The following EPRS1 variants were observed in gnomAD, a reference collection of about 807,000 sequenced individuals.
The protein encoded by EPRS1 is bifunctional glutamate/proline--tRNA ligase.
EPRS1 carries 107 observed loss-of-function variants against 188.3 expected under a neutral mutation model. That is an observed-to-expected ratio of 0.57 (90% CI 0.49 to 0.67). The LOEUF (loss-of-function observed/expected upper bound fraction) is 0.67, where lower values mean the gene tolerates loss of function less well. Ranked by LOEUF, EPRS1 falls within the 30% of genes least tolerant of loss-of-function variation. The probability of loss-of-function intolerance (pLI) is 0.00; values close to 1 mark genes in which losing one functional copy is unlikely to be tolerated. For missense variants in EPRS1, 1,577 were observed against 1,802.2 expected (o/e 0.88, Z 2.26); for synonymous variants, 596 against 593.1 (o/e 1.00, Z -0.07).
At chr1:219,991,410 T>G (rs1455622782) in intron 18 of EPRS1, among the ~76,000 whole-genome samples, 1 of 151,946 alleles carries the variant, frequency 6.6e-6, no homozygotes, top group African/African-American at 2.4e-5. Context: ...CTAAGAGAAC[T>G]ATATCTACAC....
intron 2 of EPRS1, among the ~76,000 whole-genome samples, chr1:220,038,892 G>A (rs1250305267): frequency 6.6e-6 from 1 of 152,152 alleles, no homozygotes; most frequent in Non-Finnish European, 1.5e-5. Context: ...GCCCTCAGAA[G>A]AGCAGGTGAA....
intron 18 of EPRS1, among the ~76,000 whole-genome samples, chr1:219,994,159 T>C (rs1341325653): frequency 6.6e-6 from 1 of 152,222 alleles, no homozygotes; most frequent in Non-Finnish European, 1.5e-5. Context: ...GTGTGGAGCA[T>C]GTGCATTCTC....
intron 13 of EPRS1, among the ~76,000 whole-genome samples, chr1:220,009,015 A>C (rs544045066): frequency 2.7e-4 from 41 of 152,148 alleles, no homozygotes; most frequent in Non-Finnish European, 5.3e-4. Context: ...CATTTTAAAA[A>C]ATAAGCACCC....
chr1:220,042,181 CAA>C (rs1204286086), intron 1 of EPRS1, among the ~76,000 whole-genome samples: 11 of 62,644 alleles, frequency 1.8e-4, no homozygotes, highest in Non-Finnish European at 2.2e-4. Flanking sequence ...ACTCCGTCCC[CAA>C]AAAAAAAAAA....
At chr1:220,010,734 C>T (rs12046562) in intron 13 of EPRS1, among the ~76,000 whole-genome samples, 16,350 of 150,306 alleles carry the variant, frequency 0.11, 1,346 homozygotes, top group East Asian at 0.33. Flanking sequence ...GGCGTGAACC[C>T]GGGAGGCAGG....
At chr1:220,011,785 AT>A (rs1440867219) in intron 12 of EPRS1, among the ~76,000 whole-genome samples, 3 of 152,202 alleles carry the variant, frequency 2.0e-5, no homozygotes, top group Non-Finnish European at 4.4e-5. Context: ...GAGCTGATGT[AT>A]TTTTCTCACT....
At chr1:219,985,517 C>T (rs1255572549) in intron 20 of EPRS1, among the ~76,000 whole-genome samples, 1 of 152,126 alleles carries the variant, frequency 6.6e-6, no homozygotes, top group Admixed American at 6.5e-5. Context: ...CTCAGCCCCC[C>T]TCCCCCACCC....
intron 4 of EPRS1, among the ~76,000 whole-genome samples, chr1:220,033,125 C>A (rs1662116293): frequency 6.6e-6 from 1 of 152,066 alleles, no homozygotes; most frequent in Non-Finnish European, 1.5e-5. Flanking sequence ...CCCAGTCACA[C>A]ACTCACTGAG....
Position 219,970,416 on chromosome 1 carries a change from C to T in EPRS1, c.4324-1294G>A, listed in dbSNP as rs1443675837. Among the ~76,000 whole-genome samples, 4 of 28,992 alleles carry T rather than the reference C, an allele frequency of 1.4e-4. No individual in the cohort carries two copies. The East Asian group carries it at 0.22, about 1,611-fold the overall frequency. The allele number at this position is 28,992 out of a possible 152,430, so 19.0% of individuals were successfully genotyped here. On this transcript the variant is annotated intron_variant, in intron 30 of 31. Transcript: ENST00000366923. ...TCAACTGCTCTCAGCCACAGAAAATCGTAAATAAAGTGAAAGAAAAAACAC... is the reference window on the plus strand; with the variant it reads ...TCAACTGCTCTCAGCCACAGAAAATTGTAAATAAAGTGAAAGAAAAAACAC...
Position 220,007,273 on chromosome 1 carries a change from T to C in EPRS1, c.1671A>G (p.Ala557=), listed in dbSNP as rs1661507334. 1 of 1,613,940 alleles carries C rather than the reference T, an allele frequency of 6.2e-7. No individual in the cohort carries two copies. The highest frequency in any genetic ancestry group is 8.5e-7 in the Non-Finnish European group (1 of 1,179,824). ...CCATCTCACCCTCCGAAAAAGTCTC[T>C]GCATCAGCACCTTCAATGAAAACTT... is the stretch of plus-strand genomic sequence containing the variant. ...SPKVFIEGAD[A]ETFSEGEMVT... The change falls in exon 14 of 32, where the codon GCA becomes GCG. Residue 557 remains alanine (A), a synonymous_variant. Transcript: ENST00000366923.
In EPRS1 at chr1:220,040,149, A is replaced by C. The variant is rs185707495; in HGVS notation, c.131+36T>G. On this transcript the variant is annotated intron_variant, in intron 2 of 31. Coordinates refer to ENST00000366923, the MANE Select transcript of EPRS1 (RefSeq NM_004446.3). The stretch of plus-strand genomic sequence containing the variant: ...AAAACTCTAAAAAAAAGAAAAAGCC[A>C]ATCAGTACTGAAAATAAAAAGATGA... 1.4e-3 allele frequency: 1,870 copies of C among 1,348,242 alleles called. 24 individuals are homozygous for C. In the South Asian group the frequency reaches 0.017, roughly 12 times the overall value. 83.5% of individuals were successfully genotyped at this position (1,348,242 alleles called of 1,614,324 possible).
chr1:219,982,633 C>T lies in EPRS1; in HGVS notation c.3373+139G>A, dbSNP rs570154971. 10 of 647,946 alleles carry T rather than the reference C, an allele frequency of 1.5e-5. No homozygotes were observed. In the African/African-American group the frequency reaches 1.7e-4, roughly 11 times the overall value. The allele number at this position is 647,946 out of a possible 1,614,324, so 40.1% of individuals were successfully genotyped here. On this transcript the variant is annotated intron_variant, in intron 23 of 31. Transcript: ENST00000366923. ...ACTCTAGACAACTTAAGTTTGCATTCAATCTTCATCAACATTCATGAAATG... is the reference window on the plus strand; with the variant it reads ...ACTCTAGACAACTTAAGTTTGCATTTAATCTTCATCAACATTCATGAAATG...
chr1:220,009,420 G>A (rs1661558084), intron 13 of EPRS1, among the ~76,000 whole-genome samples: 1 of 152,174 alleles, frequency 6.6e-6, no homozygotes, highest in Non-Finnish European at 1.5e-5. Context: ...TAGACAACTT[G>A]TAAAGCTGAA....
At chr1:220,022,081 A>T (rs1661887512) in intron 9 of EPRS1, among the ~76,000 whole-genome samples, 1 of 152,210 alleles carries the variant, frequency 6.6e-6, no homozygotes, top group Admixed American at 6.5e-5. Context: ...CAGTATACCT[A>T]ATCAATACAA....
chr1:219,984,309 G>A (rs1660961111), intron 20 of EPRS1, 52 bp from the exon 21 acceptor site: 2 of 1,291,074 alleles, frequency 1.5e-6, no homozygotes, highest in Non-Finnish European at 2.2e-6. Context: ...AACTGCTTTA[G>A]GTTGAATAAA....
At chr1:219,987,803 GT>G (rs1428947802) in intron 19 of EPRS1, among the ~76,000 whole-genome samples, 2 of 152,176 alleles carry the variant, frequency 1.3e-5, no homozygotes, top group African/African-American at 4.8e-5. Flanking sequence ...TAGTAGTCAT[GT>G]GGCTGAATTT....
chr1:220,007,715 C>CA (rs1661518911), intron 13 of EPRS1, among the ~76,000 whole-genome samples: 1 of 152,200 alleles, frequency 6.6e-6, no homozygotes, highest in South Asian at 2.1e-4. Flanking sequence ...ACAGCTAAGA[C>CA]AGTATACTTT....
At position 219,997,158 on chromosome 1, in the gene EPRS1, G is replaced by T; in HGVS notation, c.2366C>A (p.Ala789Asp). The T allele has an allele frequency of 6.2e-7, 1 of 1,614,010 alleles. No homozygotes were observed. Among genetic ancestry groups the T allele is most frequent in the Non-Finnish European group, 8.5e-7 (1 of 1,179,954 alleles). ...CTGGCCAGTTTTCTCCTTATATTCA[G>T]CTTTCAAAGACAAAAGCTGTTTTAC... is the stretch of plus-strand genomic sequence containing the variant. The part of the protein sequence containing the change: ...AAVKQLLSLK[A>D]EYKEKTGQEY... The change falls in exon 18 of 32, where the codon GCT becomes GAT. Residue 789 changes from alanine to aspartate, a missense_variant. Ala to Asp is a moderately radical substitution (Grantham distance 126). Transcript: ENST00000366923.
chr1:219,981,277 C>A, intron 24 of EPRS1, 101 bp downstream of exon 24: 2 of 660,696 alleles, frequency 3.0e-6, no homozygotes, highest in East Asian at 2.8e-5. Flanking sequence ...AAAACAGTTC[C>A]ATACTCCCAA....
Sources: allele counts gnomAD v4.1 joint callset (sites outside exome capture counted in the v4.1 genomes callset), GRCh38; gene constraint gnomAD v4.1.1; transcripts MANE v1.5; gene names NCBI Gene and HGNC (gene_info 2026-07-23, HGNC 2026-07-21).